The following GALNT13 variants were observed in gnomAD, a reference collection of about 807,000 sequenced individuals.
GALNT13 encodes UDP-GalNAc:polypeptide N-acetylgalactosaminyltransferase 13.
GALNT13 carries 28 observed loss-of-function variants against 64.2 expected under a neutral mutation model. The observed-to-expected ratio is 0.44, with a 90% CI of 0.32 to 0.60. The LOEUF (loss-of-function observed/expected upper bound fraction) is 0.60. Ranked by LOEUF, GALNT13 falls within the 20% of genes least tolerant of loss-of-function variation. The pLI is 0.05. For synonymous variants in GALNT13, 214 were observed against 224.6 expected, an observed-to-expected ratio of 0.95 and a Z score of 0.42; for missense variants, 577 against 669.8, an observed-to-expected ratio of 0.86 and a Z score of 1.53.
At chr2:153,756,832 T>C in the GALNT13 span, among the ~76,000 whole-genome samples, 2 of 152,166 alleles carry the variant, frequency 1.3e-5, no homozygotes, top group South Asian at 4.2e-4. Flanking sequence ...AACTATCTGC[T>C]CCAGTTCTCT....
the GALNT13 span, among the ~76,000 whole-genome samples, chr2:153,258,321 C>G: frequency 2.6e-5 from 4 of 151,988 alleles, no homozygotes. Context: ...CTGTGATCCA[C>G]AAATTATCTG....
At chr2:154,427,525 A>G (rs2105439926) in intron 11 of GALNT13, among the ~76,000 whole-genome samples, 1 of 152,306 alleles carries the variant, frequency 6.6e-6, no homozygotes. Context: ...TGGCTTGCTG[A>G]GTGCAAATTA....
At chr2:153,096,841 T>G in the GALNT13 span, among the ~76,000 whole-genome samples, 1 of 152,148 alleles carries the variant, frequency 6.6e-6, no homozygotes, top group Admixed American at 6.6e-5. Context: ...CTTTTGATTG[T>G]AAAGTTTAGT....
At chr2:154,197,000 T>A (rs866043061) in intron 4 of GALNT13, among the ~76,000 whole-genome samples, 1 of 152,242 alleles carries the variant, frequency 6.6e-6, no homozygotes, top group African/African-American at 2.4e-5. Flanking sequence ...AAGTGCCATA[T>A]AGAAATTATG....
chr2:154,183,391 C>T (rs764771128), intron 4 of GALNT13, among the ~76,000 whole-genome samples: 6 of 152,032 alleles, frequency 3.9e-5, no homozygotes, highest in Non-Finnish European at 7.4e-5. Flanking sequence ...TTTGAGTCCT[C>T]TCTCTTTCTC....
chr2:154,205,780 T>G (rs112271466), intron 4 of GALNT13, among the ~76,000 whole-genome samples: 2,009 of 152,136 alleles, frequency 0.013, 39 homozygotes, highest in African/African-American at 0.045. Context: ...AACAGCACAG[T>G]AAAGACCCTC....
At chr2:153,253,287 TA>T in the GALNT13 span, among the ~76,000 whole-genome samples, 14 of 142,902 alleles carry the variant, frequency 9.8e-5, 1 homozygote, top group Non-Finnish European at 2.0e-4. Flanking sequence ...GTTGGTGTAT[TA>T]GAATGCTTGT....
At chr2:154,351,814 G>C (rs1465084909) in intron 9 of GALNT13, among the ~76,000 whole-genome samples, 2 of 147,974 alleles carry the variant, frequency 1.4e-5, no homozygotes, top group East Asian at 4.2e-4. Flanking sequence ...ACAAGGAATA[G>C]TGTAGGTTCT....
At chr2:154,271,461 A>G (rs1691350358) in intron 8 of GALNT13, among the ~76,000 whole-genome samples, 1 of 151,994 alleles carries the variant, frequency 6.6e-6, no homozygotes. Flanking sequence ...TGAGGTTTGA[A>G]CTGAGTGTTA....
chr2:154,081,619 G>C (rs1233546696), intron 3 of GALNT13, among the ~76,000 whole-genome samples: 2 of 151,562 alleles, frequency 1.3e-5, no homozygotes, highest in Non-Finnish European at 3.0e-5. Context: ...CTTTCTACTT[G>C]TATCCTCACC....
intron 3 of GALNT13, among the ~76,000 whole-genome samples, chr2:153,985,379 C>T (rs1218650991): frequency 1.3e-5 from 2 of 151,922 alleles, no homozygotes; most frequent in African/African-American, 4.8e-5. Flanking sequence ...CATACCTTTT[C>T]TATTGTTATT....
At chr2:154,316,280 A>G (rs35354031) in intron 9 of GALNT13, among the ~76,000 whole-genome samples, 1 of 152,060 alleles carries the variant, frequency 6.6e-6, no homozygotes, top group Non-Finnish European at 1.5e-5. Flanking sequence ...AACTTTGCAC[A>G]TTCTTAGTGT....
the GALNT13 span, among the ~76,000 whole-genome samples, chr2:153,739,495 A>G: frequency 6.7e-6 from 1 of 149,038 alleles, no homozygotes; most frequent in Non-Finnish European, 1.5e-5. Context: ...GTCTTCTTGA[A>G]TTAGATTTTT....
intron 11 of GALNT13, among the ~76,000 whole-genome samples, chr2:154,424,114 A>C (rs1444673689): frequency 6.6e-6 from 1 of 152,202 alleles, no homozygotes; most frequent in East Asian, 1.9e-4. Context: ...TGATGACTAA[A>C]AATATATTGT....
chr2:153,723,288 T>C, the GALNT13 span, among the ~76,000 whole-genome samples: 1 of 150,356 alleles, frequency 6.7e-6, no homozygotes, highest in African/African-American at 2.5e-5. Flanking sequence ...AAATTAGGTA[T>C]TGATGGGACA....
intron 3 of GALNT13, among the ~76,000 whole-genome samples, chr2:154,053,655 T>C (rs1699761208): frequency 6.6e-6 from 1 of 152,190 alleles, no homozygotes; most frequent in Non-Finnish European, 1.5e-5. Flanking sequence ...AAAACATCAT[T>C]GGTTAGCAAT....
chr2:153,984,648 T>A (rs867532582), intron 3 of GALNT13, among the ~76,000 whole-genome samples: 1 of 151,816 alleles, frequency 6.6e-6, no homozygotes, highest in African/African-American at 2.4e-5. Context: ...TGCATTATGA[T>A]GTGTTTTGAC....
intron 2 of GALNT13, among the ~76,000 whole-genome samples, chr2:153,917,478 T>A (rs990699067): frequency 6.6e-6 from 1 of 152,136 alleles, no homozygotes; most frequent in Non-Finnish European, 1.5e-5. Context: ...GAAAAAGGTA[T>A]GCATTATTTT....
At chr2:154,207,761 T>C (rs1228198367) in intron 4 of GALNT13, among the ~76,000 whole-genome samples, 1 of 152,208 alleles carries the variant, frequency 6.6e-6, no homozygotes, top group Non-Finnish European at 1.5e-5. Context: ...AGTCTCTAAC[T>C]GGAACTACTG....
Sources: gnomAD v4.1 joint callset for allele counts (sites outside exome capture counted in the v4.1 genomes callset) on GRCh38, gnomAD v4.1.1 for gene constraint, MANE v1.5 for transcripts, NCBI Gene and HGNC (gene_info 2026-07-23, HGNC 2026-07-21) for gene names.